The following TRPM1 variants were observed in gnomAD, a reference collection of about 807,000 sequenced individuals.
The protein encoded by TRPM1 is transient receptor potential cation channel subfamily M member 1.
TRPM1 carries 113 observed loss-of-function variants against 149.4 expected under a neutral mutation model. That is an observed-to-expected ratio of 0.76 (90% CI 0.65 to 0.88). The LOEUF (loss-of-function observed/expected upper bound fraction) is 0.88, where lower values mean the gene tolerates loss of function less well. TRPM1 is among the 40% of genes least tolerant of loss of function. The pLI is 0.00. For missense variants in TRPM1, 1,976 were observed against 2,038.7 expected, an observed-to-expected ratio of 0.97 and a Z score of 0.59; for synonymous variants, 741 against 759.5, an observed-to-expected ratio of 0.98 and a Z score of 0.40.
intron 1 of TRPM1, among the ~76,000 whole-genome samples, chr15:31,118,520 A>C (rs78864191): frequency 1.3e-5 from 2 of 152,156 alleles, no homozygotes; most frequent in South Asian, 2.1e-4. Context: ...GAAAAAAAAA[A>C]CAAGATGGCT....
intron 1 of TRPM1, among the ~76,000 whole-genome samples, chr15:31,127,899 G>GTCCCTGTACAGGGACCC (rs770196105): frequency 9.9e-5 from 15 of 152,212 alleles, no homozygotes; most frequent in Non-Finnish European, 1.9e-4. Context: ...GGGCCTGGAA[G>GTCCCTGTACAGGGACCC]TGGAGGTCCC....
chr15:31,153,378 A>G (rs2036328130), intron 1 of TRPM1, among the ~76,000 whole-genome samples: 1 of 152,168 alleles, frequency 6.6e-6, no homozygotes, highest in African/African-American at 2.4e-5. Flanking sequence ...AGGCTGTAGT[A>G]CAGTGGTGTG....
At chr15:31,018,355 A>C (rs1186991569) in intron 27 of TRPM1, among the ~76,000 whole-genome samples, 1 of 148,762 alleles carries the variant, frequency 6.7e-6, no homozygotes, top group Non-Finnish European at 1.5e-5. Flanking sequence ...TTGGCCTTTT[A>C]AATTTTAAAT....
chr15:31,063,344 C>G, intron 7 of TRPM1, 52 bp from the exon 8 acceptor site: 1 of 1,612,628 alleles, frequency 6.2e-7, no homozygotes, highest in Non-Finnish European at 8.5e-7. Context: ...CACTGTCCAC[C>G]CAGTCGTTTT....
At chr15:31,115,345 A>G (rs922071509) in intron 1 of TRPM1, among the ~76,000 whole-genome samples, 3 of 152,222 alleles carry the variant, frequency 2.0e-5, no homozygotes, top group Admixed American at 6.5e-5. Flanking sequence ...TTCGGCTTGT[A>G]TGTGTAAAAA....
At chr15:31,004,440 T>A (rs1368027391) in intron 27 of TRPM1, among the ~76,000 whole-genome samples, 1 of 152,098 alleles carries the variant, frequency 6.6e-6, no homozygotes, top group Non-Finnish European at 1.5e-5. Context: ...CCCAGAGTTT[T>A]TTTTTTGCTA....
At chr15:31,151,577 G>A (rs1198069345) in intron 1 of TRPM1, among the ~76,000 whole-genome samples, 1 of 152,232 alleles carries the variant, frequency 6.6e-6, no homozygotes, top group Non-Finnish European at 1.5e-5. Context: ...GGCATGGGGT[G>A]CTCTGGCCAG....
At chr15:31,045,944 C>T (rs371622530) in intron 16 of TRPM1, among the ~76,000 whole-genome samples, 3 of 152,094 alleles carry the variant, frequency 2.0e-5, no homozygotes, top group Non-Finnish European at 2.9e-5. Context: ...TTTTTGCATA[C>T]GTAAGTGGTG....
At chr15:31,032,979 G>T in intron 21 of TRPM1, 39 bp from the exon 22 acceptor site, 5 of 1,612,628 alleles carry the variant, frequency 3.1e-6, no homozygotes, top group Non-Finnish European at 4.2e-6. Context: ...CTGAGATGCC[G>T]TATTAGAAGT....
At chr15:31,036,601 A>T (rs1441954513) in intron 20 of TRPM1, among the ~76,000 whole-genome samples, 1 of 151,838 alleles carries the variant, frequency 6.6e-6, no homozygotes, top group Non-Finnish European at 1.5e-5. Flanking sequence ...ATGTGTGATG[A>T]CTCCACCCTC....
At chr15:31,103,009 A>G (rs2035546402), upstream of TRPM1, among the ~76,000 whole-genome samples, 1 of 152,208 alleles carries the variant, frequency 6.6e-6, no homozygotes, top group South Asian at 2.1e-4. Context: ...AGGCACAGTC[A>G]GGGCAATCCG....
intron 7 of TRPM1, chr15:31,064,949 T>A: frequency 2.1e-6 from 1 of 469,666 alleles, no homozygotes; most frequent in East Asian, 5.7e-5. Flanking sequence ...TTTCAATCTT[T>A]AGGAATATGG....
At chr15:31,113,236 A>G (rs2879276) in intron 1 of TRPM1, among the ~76,000 whole-genome samples, 30,934 of 151,978 alleles carry the variant, frequency 0.2, 3,671 homozygotes, top group African/African-American at 0.3. Flanking sequence ...AGCCAAATCA[A>G]CAAGAAAGGG....
intron 1 of TRPM1, among the ~76,000 whole-genome samples, chr15:31,140,301 C>A (rs1283405982): frequency 6.6e-6 from 1 of 151,864 alleles, no homozygotes; most frequent in Non-Finnish European, 1.5e-5. Flanking sequence ...ATCACTTGAA[C>A]CCAGGAGGCG....
At chr15:31,023,804 G>T (rs746846407) in intron 27 of TRPM1, among the ~76,000 whole-genome samples, 1 of 152,216 alleles carries the variant, frequency 6.6e-6, no homozygotes, top group Non-Finnish European at 1.5e-5. Context: ...CTGACCCAGT[G>T]TTGTGTCAAT....
chr15:31,111,582 G>A (rs2035690097), intron 1 of TRPM1, among the ~76,000 whole-genome samples: 1 of 152,224 alleles, frequency 6.6e-6, no homozygotes, highest in Non-Finnish European at 1.5e-5. Flanking sequence ...CAGACTGCAT[G>A]AAAACAGGAT....
chr15:31,090,249 C>T (rs964039019), intron 1 of TRPM1, among the ~76,000 whole-genome samples: 2 of 152,096 alleles, frequency 1.3e-5, no homozygotes, highest in African/African-American at 4.8e-5. Flanking sequence ...AGACAGCTTC[C>T]TCACCCTTCA....
At chr15:31,111,527 T>C (rs2035689440) in intron 1 of TRPM1, among the ~76,000 whole-genome samples, 1 of 152,222 alleles carries the variant, frequency 6.6e-6, no homozygotes, top group Non-Finnish European at 1.5e-5. Flanking sequence ...TGGCAAGAGA[T>C]GATTTTGCCT....
rs2140927441 is a variant in TRPM1 at position 31,040,272 on chromosome 15, A to G, written c.2162T>C (p.Leu721Pro). Residue 721 changes from leucine (L) to proline (P), a missense_variant, in exon 18 of 28, where the codon CTG becomes CCG. Coordinates refer to ENST00000256552, the MANE Select transcript of TRPM1 (RefSeq NM_001252024.2). The surrounding 1 kb of genome is among the most constrained non-coding windows in gnomAD (Gnocchi z 4.2). ...KHDEQIAMKL[L>P]TYELKNWSNS... ...GCTCCAGTTTTTCAGCTCGTAGGTC[A>G]GGAGTTTCATAGCGATCTGCTCGTC... 6.2e-7 allele frequency: 1 copy of G among 1,614,226 alleles called. No individual in the cohort carries two copies. Among genetic ancestry groups the G allele is most frequent in the Non-Finnish European group, 8.5e-7 (1 of 1,180,040 alleles).
Sources: allele counts gnomAD v4.1 joint callset (sites outside exome capture counted in the v4.1 genomes callset), GRCh38; gene constraint gnomAD v4.1.1; non-coding constraint Gnocchi (gnomAD v3.1); transcripts MANE v1.5; gene names NCBI Gene and HGNC (gene_info 2026-07-23, HGNC 2026-07-21).